Variants in KAZN observed in about 807,000 individuals in gnomAD.
KAZN encodes kazrin, periplakin interacting protein.
KAZN carries 40 observed loss-of-function variants against 87.4 expected under a neutral mutation model. The observed-to-expected ratio is 0.46, with a 90% CI of 0.36 to 0.60. The LOEUF (loss-of-function observed/expected upper bound fraction) is 0.60, where lower values mean the gene tolerates loss of function less well. Ranked by LOEUF, KAZN falls within the 20% of genes least tolerant of loss-of-function variation. KAZN has a pLI of 0.00. For missense variants in KAZN, 898 were observed against 1,073.9 expected (o/e 0.84, Z 2.29); for synonymous variants, 466 against 458.3 (o/e 1.02, Z -0.22).
chr1:14,007,871 A>G (rs1640104405), intron 1 of KAZN, among the ~76,000 whole-genome samples: 1 of 152,172 alleles, frequency 6.6e-6, no homozygotes, highest in Non-Finnish European at 1.5e-5. Flanking sequence ...GGAGTGTTGG[A>G]ACAGGATTCA....
chr1:13,941,142 C>T (rs147263327), intron 1 of KAZN, among the ~76,000 whole-genome samples: 1 of 152,168 alleles, frequency 6.6e-6, no homozygotes, highest in East Asian at 1.9e-4. Context: ...TTGCAGTGAG[C>T]CAAGATCGCA....
At chr1:14,462,155 C>T (rs930719638) in intron 2 of KAZN, among the ~76,000 whole-genome samples, 6 of 151,400 alleles carry the variant, frequency 4.0e-5, no homozygotes, top group Non-Finnish European at 2.9e-5. Context: ...CCCACAGTTT[C>T]ACAAAATGCT....
intron 1 of KAZN, among the ~76,000 whole-genome samples, chr1:14,857,437 G>C (rs1650267267): frequency 6.6e-6 from 1 of 152,128 alleles, no homozygotes; most frequent in African/African-American, 2.4e-5. Flanking sequence ...AGCTACTCCT[G>C]AGGCTGGACT....
chr1:14,807,867 C>A (rs1292998770), intron 1 of KAZN, among the ~76,000 whole-genome samples: 1 of 152,096 alleles, frequency 6.6e-6, no homozygotes, highest in South Asian at 2.1e-4. Flanking sequence ...CACAGGCAAC[C>A]CTGGCTTGGA....
chr1:13,936,091 G>T (rs1382382041), intron 1 of KAZN, among the ~76,000 whole-genome samples: 1 of 42,580 alleles, frequency 2.3e-5, no homozygotes, highest in African/African-American at 7.4e-5. Flanking sequence ...GGTGGTACAA[G>T]TGCAGTTTTT....
intron 13 of KAZN, among the ~76,000 whole-genome samples, chr1:15,109,547 C>G (rs1399477600): frequency 1.3e-5 from 2 of 152,104 alleles, no homozygotes; most frequent in African/African-American, 4.8e-5. Context: ...GTAGCAATTA[C>G]TCTTTCTATT....
intron 1 of KAZN, among the ~76,000 whole-genome samples, chr1:14,715,837 C>T (rs1642764354): frequency 6.6e-6 from 1 of 152,190 alleles, no homozygotes; most frequent in Non-Finnish European, 1.5e-5. Context: ...TCCAAATCTC[C>T]ATCACAGAGA....
chr1:14,363,620 G>C (rs1253228767), intron 2 of KAZN, among the ~76,000 whole-genome samples: 1 of 152,222 alleles, frequency 6.6e-6, no homozygotes, highest in East Asian at 1.9e-4. Flanking sequence ...TCCCTTTAGA[G>C]GGGTCAGGAA....
At chr1:14,019,983 C>T (rs7515506) in intron 1 of KAZN, among the ~76,000 whole-genome samples, 1 of 151,932 alleles carries the variant, frequency 6.6e-6, no homozygotes, top group South Asian at 2.1e-4. Flanking sequence ...ATCATAATGT[C>T]GAATCAGTGG....
intron 2 of KAZN, among the ~76,000 whole-genome samples, chr1:14,341,153 A>G (rs11576879): frequency 0.27 from 1,903 of 6,932 alleles, 31 homozygotes; most frequent in Non-Finnish European, 0.26. Context: ...TTGGCCTCCC[A>G]AAGTGTTGGG....
At chr1:14,527,536 G>C (rs1270723371) in intron 2 of KAZN, among the ~76,000 whole-genome samples, 5 of 138,808 alleles carry the variant, frequency 3.6e-5, no homozygotes, top group Non-Finnish European at 7.7e-5. Context: ...GCAACAGAGT[G>C]AGACTCTGTC....
chr1:15,031,692 C>T (rs1303410740), intron 2 of KAZN, among the ~76,000 whole-genome samples: 2 of 152,154 alleles, frequency 1.3e-5, no homozygotes, highest in African/African-American at 4.8e-5. Context: ...CAGCCTCAAC[C>T]TCCTGTGCTC....
At chr1:14,136,323 C>G (rs1297488881) in intron 1 of KAZN, among the ~76,000 whole-genome samples, 1 of 152,102 alleles carries the variant, frequency 6.6e-6, no homozygotes, top group South Asian at 2.1e-4. Flanking sequence ...CACGGGGCCT[C>G]AGATGCCCCC....
At chr1:14,389,016 ATAATT>A (rs1662195007) in intron 2 of KAZN, among the ~76,000 whole-genome samples, 1 of 152,210 alleles carries the variant, frequency 6.6e-6, no homozygotes, top group African/African-American at 2.4e-5. Flanking sequence ...AAAAAATCTA[ATAATT>A]TGATTAAAAA....
intron 1 of KAZN, among the ~76,000 whole-genome samples, chr1:14,809,884 A>G (rs1483826003): frequency 6.6e-6 from 1 of 152,166 alleles, no homozygotes; most frequent in East Asian, 1.9e-4. Context: ...TTCCACCACC[A>G]TCAACTCTGC....
intron 2 of KAZN, among the ~76,000 whole-genome samples, chr1:14,466,934 G>A (rs144554644): frequency 0.019 from 2,954 of 152,166 alleles, 35 homozygotes; most frequent in South Asian, 0.048. Context: ...GCGCCACTGC[G>A]CTCCAGCCTG....
At chr1:14,246,498 TTTTTG>T (rs1649528740) in intron 2 of KAZN, among the ~76,000 whole-genome samples, 2 of 147,274 alleles carry the variant, frequency 1.4e-5, no homozygotes, top group Non-Finnish European at 3.1e-5. Context: ...ATCTTTTTAT[TTTTTG>T]TTTTGGGAAG....
At chr1:14,440,016 C>T (rs562278325) in intron 2 of KAZN, among the ~76,000 whole-genome samples, 2 of 152,276 alleles carry the variant, frequency 1.3e-5, no homozygotes, top group African/African-American at 2.4e-5. Flanking sequence ...TTTTCTTTCT[C>T]ACTGCACCTC....
At chr1:15,046,343 A>G (rs114732839) in intron 4 of KAZN, among the ~76,000 whole-genome samples, 24 of 151,952 alleles carry the variant, frequency 1.6e-4, no homozygotes, top group African/African-American at 5.6e-4. Context: ...ATTTGCTATT[A>G]ATTAAGTGGA....
Sources: allele counts gnomAD v4.1 joint callset (sites outside exome capture counted in the v4.1 genomes callset), GRCh38; gene constraint gnomAD v4.1.1; transcripts MANE v1.5; gene names NCBI Gene and HGNC (gene_info 2026-07-23, HGNC 2026-07-21).